MYCBP2: variants seen among roughly 807,000 people sequenced by gnomAD.
The protein encoded by MYCBP2 is E3 ubiquitin-protein ligase MYCBP2.
MYCBP2 carries 120 observed loss-of-function variants against 525.3 expected under a neutral mutation model. The ratio of observed to expected loss-of-function variants is 0.23; its 90% CI spans 0.20 to 0.27. The LOEUF is 0.27. MYCBP2 is among the 10% of genes least tolerant of loss of function. The pLI, the probability that MYCBP2 is intolerant of heterozygous loss-of-function variation, is 1.00. For synonymous variants in MYCBP2, 1,894 were observed against 1,955.8 expected, an observed-to-expected ratio of 0.97 and a Z score of 0.83; for missense variants, 4,149 against 5,657.1, an observed-to-expected ratio of 0.73 and a Z score of 8.55.
chr13:77,077,209 A>G lies in MYCBP2; in HGVS notation c.11663T>C (p.Val3888Ala). 6.2e-7 allele frequency: 1 copy of G among 1,614,072 alleles called. No individual in the cohort carries two copies. Among genetic ancestry groups the G allele is most frequent in the East Asian group, 2.2e-5 (1 of 44,876 alleles). ...TKIAGQISAS[V>A]AQQRNCEAET... is the part of the protein sequence containing the mutation. ...AGCTTCACAGTTCCTCTGCTGGGCC[A>G]CACTGGCTGAAATCTGGCCAGCTAT... The change falls in exon 67 of 83, where the codon GTG becomes GCG. Residue 3888 changes from valine to alanine, a missense_variant. By Grantham distance (64) the Val-to-Ala change is moderately conservative (BLOSUM62 0). Transcript: ENST00000544440.
At chr13:77,201,677 A>T (rs1206118549) in intron 26 of MYCBP2, among the ~76,000 whole-genome samples, 2 of 151,638 alleles carry the variant, frequency 1.3e-5, no homozygotes, top group African/African-American at 4.9e-5. Flanking sequence ...AAAGAACAGA[A>T]ATTATAACAA....
chr13:77,194,486 A>G (rs979235804), intron 26 of MYCBP2, among the ~76,000 whole-genome samples: 16 of 152,198 alleles, frequency 1.1e-4, no homozygotes, highest in African/African-American at 3.1e-4. Context: ...ATCTATTTAC[A>G]TCAAATGCTC....
intron 55 of MYCBP2, among the ~76,000 whole-genome samples, chr13:77,120,283 A>G (rs1444883516): frequency 6.6e-6 from 1 of 152,216 alleles, no homozygotes; most frequent in African/African-American, 2.4e-5. Flanking sequence ...TACCCGAAGT[A>G]AGCGAGCAGA....
intron 5 of MYCBP2, chr13:77,272,396 GTC>G (rs1341413814): frequency 6.6e-6 from 1 of 152,048 alleles, no homozygotes; most frequent in Non-Finnish European, 1.5e-5. Context: ...GCATTCCTAA[GTC>G]TCTATATAAA....
intron 52 of MYCBP2, among the ~76,000 whole-genome samples, chr13:77,127,502 C>T (rs1203716446): frequency 6.6e-6 from 1 of 151,710 alleles, no homozygotes; most frequent in Non-Finnish European, 1.5e-5. Flanking sequence ...TTTAAAACTG[C>T]ATTTTTAAAT....
chr13:77,257,846 A>T lies in MYCBP2; in HGVS notation c.2018-17T>A, dbSNP rs780269740. On this transcript the variant is annotated splice_polypyrimidine_tract_variant and intron_variant, in intron 13 of 82. Coordinates refer to ENST00000544440, the MANE Select transcript of MYCBP2 (RefSeq NM_015057.5). ...TTACCAAACCTATAGGAAAGAAACA[A>T]ATTTAGTAAAAACAACAAAAAGGCC... is the stretch of plus-strand genomic sequence containing the variant. 1.3e-6 allele frequency: 2 copies of T among 1,590,448 alleles called. No homozygotes were observed. The highest frequency in any genetic ancestry group is 2.3e-5 in the South Asian group (2 of 86,760).
At chr13:77,055,513 G>C in intron 80 of MYCBP2, 45 bp downstream of exon 80, 1 of 1,490,640 alleles carries the variant, frequency 6.7e-7, no homozygotes, top group South Asian at 1.2e-5. Flanking sequence ...AATCATATAG[G>C]TAAGCTCTAG....
intron 55 of MYCBP2, among the ~76,000 whole-genome samples, chr13:77,110,647 C>T (rs1427477838): frequency 6.6e-6 from 1 of 152,152 alleles, no homozygotes. Flanking sequence ...TTTTGTGGCT[C>T]AGAGGACATC....
intron 74 of MYCBP2, 87 bp downstream of exon 74, chr13:77,062,508 GT>G: frequency 1.7e-6 from 2 of 1,152,620 alleles, no homozygotes; most frequent in Non-Finnish European, 2.5e-6. Flanking sequence ...ATGTTGATGT[GT>G]TTTTTGTTTG....
In MYCBP2 at chr13:77,126,337, T is replaced by C; in HGVS notation, c.7865A>G (p.Lys2622Arg). The change falls in exon 53 of 83, where the codon AAA becomes AGA. Residue 2622 changes from lysine to arginine, a missense_variant. By Grantham distance (26) the Lys-to-Arg change is conservative (BLOSUM62 2). Transcript: ENST00000544440. ...CCATACCTCTCCCACTGCTTTGACTTTGTTTCCCAGAACTAACATTCCAAT... is the reference window on the plus strand; with the variant it reads ...CCATACCTCTCCCACTGCTTTGACTCTGTTTCCCAGAACTAACATTCCAAT... ...IPIGMLVLGN[K>R]VKAVGEVTNS... 6.2e-7 allele frequency: 1 copy of C among 1,613,820 alleles called. No individual in the cohort carries two copies. The highest frequency in any genetic ancestry group is 8.5e-7 in the Non-Finnish European group (1 of 1,179,768).
At chr13:77,252,393 T>C (rs1195638310) in intron 14 of MYCBP2, among the ~76,000 whole-genome samples, 1 of 152,206 alleles carries the variant, frequency 6.6e-6, no homozygotes, top group South Asian at 2.1e-4. Context: ...TGAGCTGTTA[T>C]GAAGCTTATA....
In MYCBP2 at chr13:77,081,266, A is replaced by G. The variant is rs756936831; in HGVS notation, c.11418+161T>C. ...TTCCACAGTGCTCCCAATCATATTA[A>G]TTTGTTTTTAGACTTAAGATTTATT... On this transcript the variant is annotated intron_variant, in intron 65 of 82. Transcript: ENST00000544440. The surrounding 1 kb of genome is among the most constrained non-coding windows in gnomAD (Gnocchi z 4.6). 1.7e-4 allele frequency: 108 copies of G among 637,772 alleles called. No homozygotes were observed. Among genetic ancestry groups the G allele is most frequent in the Non-Finnish European group, 2.8e-4 (102 of 369,828 alleles). The allele number at this position is 637,772 out of a possible 1,614,324, so 39.5% of individuals were successfully genotyped here.
In MYCBP2 at chr13:77,169,686, A is replaced by G. The variant is rs756100081; in HGVS notation, c.5823T>C (p.Ser1941=). ...DADDIPELLS[S]SSLFSMLLPL... ...GGAGCAGCATGGAAAACAGACTGGA[A>G]GAACTCAGCAGTTCTGGAATGTCAT... Residue 1941 remains serine, a synonymous_variant, in exon 39 of 83, where the codon TCT becomes TCC. Coordinates refer to ENST00000544440, the MANE Select transcript of MYCBP2 (RefSeq NM_015057.5). The G allele has an allele frequency of 2.5e-6, 4 of 1,614,052 alleles. No individual in the cohort carries two copies. The highest frequency in any genetic ancestry group is 3.4e-6 in the Non-Finnish European group (4 of 1,179,984).
chr13:77,182,449 CAT>C (rs775187092), intron 32 of MYCBP2, among the ~76,000 whole-genome samples: 19 of 152,316 alleles, frequency 1.2e-4, no homozygotes, highest in Non-Finnish European at 2.1e-4. Flanking sequence ...AAAGCCAACA[CAT>C]GATATCCTAA....
intron 46 of MYCBP2, among the ~76,000 whole-genome samples, chr13:77,151,246 G>A (rs1248984293): frequency 6.6e-6 from 1 of 152,162 alleles, no homozygotes; most frequent in Non-Finnish European, 1.5e-5. Flanking sequence ...AAAGATAGTG[G>A]AATGAATCTA....
At chr13:77,134,349 G>GT (rs1384752354) in intron 52 of MYCBP2, among the ~76,000 whole-genome samples, 1 of 152,040 alleles carries the variant, frequency 6.6e-6, no homozygotes, top group East Asian at 1.9e-4. Context: ...GGCCAACATG[G>GT]TAAAACCCTG....
At chr13:77,268,698 G>T (rs2074434948) in intron 7 of MYCBP2, among the ~76,000 whole-genome samples, 1 of 151,860 alleles carries the variant, frequency 6.6e-6, no homozygotes. Flanking sequence ...AGAATCGCCT[G>T]AACCTGGGAG....
Position 77,210,487 on chromosome 13 carries a change from C to T in MYCBP2, c.3416+680G>A, listed in dbSNP as rs7339360. On this transcript the variant is annotated intron_variant, in intron 23 of 82. Transcript: ENST00000544440. ...GATTACAGGCGTGAGCCACCGCACC[C>T]GGCCCAGCACCACAATAAATTTCAA... is the stretch of plus-strand genomic sequence containing the variant. 2.4e-3 allele frequency among the ~76,000 whole-genome samples: 362 copies of T among 152,224 alleles called. 4 individuals carry two copies. Among genetic ancestry groups the T allele is most frequent in the African/African-American group, 8.5e-3 (353 of 41,536 alleles).
At position 77,098,143 on chromosome 13, in the gene MYCBP2, G is replaced by A. The variant is rs750165165; in HGVS notation, c.9011C>T (p.Ser3004Leu). 4 of 1,613,672 alleles carry A rather than the reference G, an allele frequency of 2.5e-6. No homozygotes were observed. Among genetic ancestry groups the A allele is most frequent in the Admixed American group, 1.7e-5 (1 of 59,942 alleles). ...NRHTRPKKEK[S>L]SFLFKGDGSK... ...TCCATCTCCTTTGAAAAGAAAACTC[G>A]ATTTTTCTTTTTTGGGCCTGGTGTG... Residue 3004 changes from serine to leucine, a missense_variant, in exon 56 of 83, where the codon TCG (serine) becomes TTG (leucine). Ser to Leu is a moderately radical substitution (Grantham distance 145). This residue lies in a region of MYCBP2 where 653 missense variants were observed against 744.7 expected (regional missense o/e 0.88). Transcript: ENST00000544440.
Sources: allele counts gnomAD v4.1 joint callset (sites outside exome capture counted in the v4.1 genomes callset), GRCh38; gene constraint gnomAD v4.1.1; regional missense constraint gnomAD v4.1.1; non-coding constraint Gnocchi (gnomAD v3.1); transcripts MANE v1.5; gene names NCBI Gene and HGNC (gene_info 2026-07-23, HGNC 2026-07-21).